EXT2: variants seen among roughly 807,000 people sequenced by gnomAD.
EXT2 encodes the protein exostosin glycosyltransferase 2.
EXT2 carries 53 observed loss-of-function variants against 81.6 expected under a neutral mutation model. The ratio of observed to expected loss-of-function variants is 0.65; its 90% CI spans 0.52 to 0.82. The LOEUF is 0.82. EXT2 is among the 40% of genes least tolerant of loss of function. The pLI is 0.00. For synonymous variants in EXT2, 320 were observed against 340.0 expected, an observed-to-expected ratio of 0.94 and a Z score of 0.65; for missense variants, 774 against 910.2, an observed-to-expected ratio of 0.85 and a Z score of 1.93.
At chr11:44,101,022 C>G (rs551971983) in intron 1 of EXT2, among the ~76,000 whole-genome samples, 1 of 152,276 alleles carries the variant, frequency 6.6e-6, no homozygotes, top group South Asian at 2.1e-4. Flanking sequence ...CAGATCTCAG[C>G]ATTGCCTGAG....
intron 8 of EXT2, among the ~76,000 whole-genome samples, chr11:44,197,398 C>T (rs1433428110): frequency 6.6e-6 from 1 of 152,160 alleles, no homozygotes; most frequent in Non-Finnish European, 1.5e-5. Context: ...GGTCTCCACT[C>T]TCACTCCTCC....
At chr11:44,199,209 G>T (rs1955494200) in intron 9 of EXT2, among the ~76,000 whole-genome samples, 1 of 152,212 alleles carries the variant, frequency 6.6e-6, no homozygotes, top group Non-Finnish European at 1.5e-5. Flanking sequence ...AAGGGAGAAG[G>T]AAAGGGAGGG....
rs1222267762 is a variant in EXT2 at position 44,244,750 on chromosome 11, C to A, written c.*463C>A. 2 of 257,526 alleles carry A rather than the reference C, an allele frequency of 7.8e-6. No individual in the cohort carries two copies. Among genetic ancestry groups the A allele is most frequent in the Non-Finnish European group, 1.5e-5 (2 of 132,004 alleles). The allele number at this position is 257,526 out of a possible 1,614,324, so 16.0% of individuals were successfully genotyped here. A position where few individuals can be genotyped will look rare whatever the true frequency, so the allele number is the denominator to read the frequency against. On this transcript the variant is annotated 3_prime_UTR_variant, in exon 14 of 14. Coordinates refer to ENST00000533608, the MANE Select transcript of EXT2 (RefSeq NM_207122.2). The stretch of plus-strand genomic sequence containing the variant: ...CAATGAGTTCTTTCAGGGAACCAAA[C>A]CCAGAATTCGGTGCAAAAGCCAAAC...
chr11:44,096,742 C>G (rs1360535831), intron 1 of EXT2, among the ~76,000 whole-genome samples: 2 of 152,190 alleles, frequency 1.3e-5, no homozygotes, highest in Non-Finnish European at 2.9e-5. Context: ...TTTTGAGAAT[C>G]AAAGAATTGC....
intron 10 of EXT2, among the ~76,000 whole-genome samples, chr11:44,217,121 G>A (rs908307254): frequency 6.6e-6 from 1 of 151,564 alleles, no homozygotes; most frequent in African/African-American, 2.4e-5. Context: ...GTGTCAGAAT[G>A]TGAAGATCTT....
At chr11:44,146,518 A>C (rs1215118039) in intron 7 of EXT2, among the ~76,000 whole-genome samples, 3 of 152,216 alleles carry the variant, frequency 2.0e-5, no homozygotes, top group Non-Finnish European at 4.4e-5. Context: ...GATAGGAGCC[A>C]GTGAAGAGGG....
intron 9 of EXT2, among the ~76,000 whole-genome samples, chr11:44,203,433 A>G (rs552371001): frequency 2.4e-3 from 358 of 152,310 alleles, no homozygotes; most frequent in African/African-American, 8.3e-3. Flanking sequence ...CTTGACAAGC[A>G]GGAAACCCAG....
intron 10 of EXT2, among the ~76,000 whole-genome samples, chr11:44,219,146 A>T (rs1473064088): frequency 1.3e-5 from 2 of 151,982 alleles, no homozygotes; most frequent in Non-Finnish European, 1.5e-5. Context: ...TTCTCTTCTC[A>T]CTACAACAAT....
intron 1 of EXT2, among the ~76,000 whole-genome samples, chr11:44,097,604 C>T (rs1178138848): frequency 6.6e-6 from 1 of 151,944 alleles, no homozygotes; most frequent in South Asian, 2.1e-4. Flanking sequence ...AGCTGGCCAA[C>T]ATGATGAAAA....
chr11:44,180,130 G>A (rs1955214882), intron 8 of EXT2, among the ~76,000 whole-genome samples: 1 of 152,108 alleles, frequency 6.6e-6, no homozygotes, highest in African/African-American at 2.4e-5. Flanking sequence ...TGTTTTCAAG[G>A]AGTAACTGCT....
intron 7 of EXT2, among the ~76,000 whole-genome samples, chr11:44,163,356 G>A (rs1954952336): frequency 6.6e-6 from 1 of 152,196 alleles, no homozygotes; most frequent in Non-Finnish European, 1.5e-5. Context: ...GCTGTCAGAT[G>A]AAGATTATTA....
chr11:44,222,122 T>G (rs978739310), intron 10 of EXT2, among the ~76,000 whole-genome samples: 1 of 152,184 alleles, frequency 6.6e-6, no homozygotes, highest in Admixed American at 6.5e-5. Context: ...TTGGCTGGTT[T>G]AGATCAAGAG....
intron 8 of EXT2, among the ~76,000 whole-genome samples, chr11:44,192,333 A>G (rs1304901122): frequency 6.6e-6 from 1 of 150,958 alleles, no homozygotes; most frequent in Non-Finnish European, 1.5e-5. Context: ...TTCTTTGTTT[A>G]CTACTTGTTA....
At chr11:44,107,644 A>C (rs753994651) in intron 1 of EXT2, 39 bp from the exon 2 acceptor site, 1 of 1,572,528 alleles carries the variant, frequency 6.4e-7, no homozygotes, top group African/African-American at 1.4e-5. Flanking sequence ...TTGCCATCCT[A>C]AATACTTGGT....
At chr11:44,190,825 C>G (rs1955382104) in intron 8 of EXT2, among the ~76,000 whole-genome samples, 1 of 152,142 alleles carries the variant, frequency 6.6e-6, no homozygotes, top group East Asian at 1.9e-4. Flanking sequence ...GTATGGTAAC[C>G]CTAGAATGGT....
Position 44,095,800 on chromosome 11 carries a change from G to A in EXT2, c.-83G>A, listed in dbSNP as rs1394948491. 4 of 160,002 alleles carry A rather than the reference G, an allele frequency of 2.5e-5. No individual in the cohort carries two copies. Among genetic ancestry groups the A allele is most frequent in the Non-Finnish European group, 4.1e-5 (3 of 73,852 alleles). 9.9% of individuals were successfully genotyped at this position (160,002 alleles called of 1,614,324 possible). ...TGGGCGGAGGTGGCCCGCGCCCCGC[G>A]GCATGAGCCGGTGACCAAGCTCGGG... On this transcript the variant is annotated 5_prime_UTR_variant, in exon 1 of 14. Transcript: ENST00000533608.
At chr11:44,143,594 T>A (rs1954674652) in intron 7 of EXT2, among the ~76,000 whole-genome samples, 1 of 152,138 alleles carries the variant, frequency 6.6e-6, no homozygotes, top group Non-Finnish European at 1.5e-5. Flanking sequence ...TTGGGAAACA[T>A]ACACAGGGGT....
chr11:44,208,587 T>A (rs923597013), intron 10 of EXT2, among the ~76,000 whole-genome samples: 5 of 152,244 alleles, frequency 3.3e-5, no homozygotes, highest in African/African-American at 1.2e-4. Flanking sequence ...GAAGCTTTCT[T>A]ATCTCTGTTA....
At chr11:44,237,902 T>TAAAAAAAAAA (rs374084527) in intron 13 of EXT2, among the ~76,000 whole-genome samples, 2 of 56,386 alleles carry the variant, frequency 3.5e-5, no homozygotes, top group African/African-American at 1.4e-4. Flanking sequence ...CGTCTCTACT[T>TAAAAAAAAAA]AAAAAAAAAA....
Sources: allele counts gnomAD v4.1 joint callset (sites outside exome capture counted in the v4.1 genomes callset), GRCh38; gene constraint gnomAD v4.1.1; transcripts MANE v1.5; gene names NCBI Gene and HGNC (gene_info 2026-07-23, HGNC 2026-07-21).